The following POLR3GL variants were observed in gnomAD, a reference collection of about 807,000 sequenced individuals.
POLR3GL encodes RNA polymerase III subunit GL, also known as DNA-directed RNA polymerase III subunit RPC7-like.
Under a neutral mutation model 32.4 loss-of-function variants are expected in POLR3GL, and 26 were observed. The ratio of observed to expected loss-of-function variants is 0.80; its 90% CI spans 0.59 to 1.11. The LOEUF (loss-of-function observed/expected upper bound fraction) is 1.11. Among genes scored for constraint, POLR3GL ranks in the 50% most tolerant of loss-of-function variants. The pLI, the probability that POLR3GL is intolerant of heterozygous loss-of-function variation, is 0.00. For missense variants in POLR3GL, 229 were observed against 280.1 expected, an observed-to-expected ratio of 0.82 and a Z score of 1.30; for synonymous variants, 95 against 98.7, an observed-to-expected ratio of 0.96 and a Z score of 0.22.
At position 145,977,475 on chromosome 1, in the gene POLR3GL, A is replaced by T. The variant is rs782331624; in HGVS notation, c.326-8A>T. On this transcript the variant is annotated splice_region_variant and splice_polypyrimidine_tract_variant and intron_variant, in intron 4 of 7. Transcript: ENST00000369314. ...TCCTATTGACATTTACGTTCCCACTATTCCCAGATTGGCGGCGTCTACCCC... is the reference window on the plus strand; with the variant it reads ...TCCTATTGACATTTACGTTCCCACTTTTCCCAGATTGGCGGCGTCTACCCC... 6.2e-7 allele frequency: 1 copy of T among 1,613,742 alleles called. No individual in the cohort carries two copies. Among genetic ancestry groups the T allele is most frequent in the South Asian group, 1.1e-5 (1 of 91,058 alleles).
At position 145,977,978 on chromosome 1, in the gene POLR3GL, A is replaced by G. The variant is rs1553763775; in HGVS notation, c.457-5A>G. 2.5e-6 allele frequency: 4 copies of G among 1,613,860 alleles called. No homozygotes were observed. In the Admixed American group the frequency reaches 5.0e-5, roughly 20 times the overall value. Reference sequence around the variant, plus strand: ...AGTTTCTATTCCTATTCATCCCCACATGAGACCCTGGAGAAGAAGGAAGAA... The same window carrying G: ...AGTTTCTATTCCTATTCATCCCCACGTGAGACCCTGGAGAAGAAGGAAGAA... On this transcript the variant is annotated splice_polypyrimidine_tract_variant and splice_region_variant and intron_variant, in intron 6 of 7. Transcript: ENST00000369314.
chr1:145,978,229 C>A lies in POLR3GL; in HGVS notation c.571-132C>A. ...AGGGGCTTCTCTCTACTTCATCTGCCCCCCTTCTACAAACTACAGCTGGAA... is the reference window on the plus strand; with the variant it reads ...AGGGGCTTCTCTCTACTTCATCTGCACCCCTTCTACAAACTACAGCTGGAA... On this transcript the variant is annotated intron_variant, in intron 7 of 7. Coordinates refer to ENST00000369314, the MANE Select transcript of POLR3GL (RefSeq NM_032305.3). The A allele has an allele frequency of 3.0e-6, 4 of 1,343,330 alleles. No homozygotes were observed. The East Asian group carries it at 7.1e-5, about 24-fold the overall frequency. The allele number at this position is 1,343,330 out of a possible 1,614,324, so 83.2% of individuals were successfully genotyped here.
At chr1:145,968,573 C>CTTT (rs1320272952) in intron 1 of POLR3GL, among the ~76,000 whole-genome samples, 1 of 137,736 alleles carries the variant, frequency 7.3e-6, no homozygotes. Flanking sequence ...GTGACAAATT[C>CTTT]TTTTTTTTTT....
At chr1:145,965,977 G>A (rs782641733) in intron 1 of POLR3GL, among the ~76,000 whole-genome samples, 3 of 151,910 alleles carry the variant, frequency 2.0e-5, no homozygotes, top group African/African-American at 2.4e-5. Flanking sequence ...TTAGCTGGGC[G>A]TGTTGGCGCA....
intron 1 of POLR3GL, among the ~76,000 whole-genome samples, chr1:145,966,987 G>C (rs1650066396): frequency 6.6e-6 from 1 of 152,000 alleles, no homozygotes; most frequent in African/African-American, 2.4e-5. Context: ...GGGATTGCTG[G>C]ATTAGGGATA....
At chr1:145,965,735 A>G (rs1553761944) in intron 1 of POLR3GL, among the ~76,000 whole-genome samples, 1 of 152,204 alleles carries the variant, frequency 6.6e-6, no homozygotes, top group African/African-American at 2.4e-5. Context: ...CAATTTTTTG[A>G]TACCTGTTCT....
intron 1 of POLR3GL, among the ~76,000 whole-genome samples, chr1:145,965,943 C>T (rs1387244378): frequency 2.0e-5 from 3 of 151,422 alleles, no homozygotes; most frequent in African/African-American, 7.3e-5. Flanking sequence ...TGGAGAAACT[C>T]TGTCTCTACT....
intron 1 of POLR3GL, 91 bp from the exon 2 acceptor site, chr1:145,974,734 C>T (rs1650469453): frequency 4.6e-6 from 4 of 878,254 alleles, no homozygotes; most frequent in Admixed American, 4.2e-5. Flanking sequence ...CTTTTCATGT[C>T]CCAGAGATAA....
Position 145,977,122 on chromosome 1 carries a change from C to G in POLR3GL, c.295C>G (p.Pro99Ala), listed in dbSNP as rs1553763528. 1.2e-6 allele frequency: 2 copies of G among 1,613,728 alleles called. No individual in the cohort carries two copies. Among genetic ancestry groups the G allele is most frequent in the Non-Finnish European group, 1.7e-6 (2 of 1,179,920 alleles). ...RYSDKYQMSGPIDNAIDWNPD... is the reference protein window; with the variant it reads ...RYSDKYQMSGAIDNAIDWNPD... ...TTCAGACAAATATCAGATGTCAGGT[C>G]CGATTGACAATGCCATCGATTGGAA... Residue 99 changes from proline (P) to alanine (A), a missense_variant, in exon 4 of 8, where the codon CCG (proline) becomes GCG (alanine). By Grantham distance (27) the Pro-to-Ala change is conservative. Coordinates refer to ENST00000369314, the MANE Select transcript of POLR3GL (RefSeq NM_032305.3).
chr1:145,974,097 A>G lies in POLR3GL; in HGVS notation c.-41-728A>G, dbSNP rs587634993. ...CAGTGAGCCATGATCACACCACGGC[A>G]CTCCAGCCTGGATGACAGAAAGAGA... On this transcript the variant is annotated intron_variant, in intron 1 of 7. Transcript: ENST00000369314. 7.2e-5 allele frequency among the ~76,000 whole-genome samples: 11 copies of G among 152,002 alleles called. No individual in the cohort carries two copies. In the East Asian group the frequency reaches 2.1e-3, roughly 29 times the overall value.
intron 7 of POLR3GL, 65 bp from the exon 8 acceptor site, chr1:145,978,296 G>A (rs1238038786): frequency 7.4e-7 from 1 of 1,350,862 alleles, no homozygotes; most frequent in East Asian, 2.3e-5. Context: ...AGAGGAAAGG[G>A]GTCTGGTACA....
chr1:145,967,545 A>C (rs116765035), intron 1 of POLR3GL, among the ~76,000 whole-genome samples: 51 of 152,138 alleles, frequency 3.4e-4, no homozygotes, highest in African/African-American at 1.1e-3. Context: ...GATTTTTTAA[A>C]ATTTGGATTT....
At chr1:145,969,639 G>A (rs1394140314) in intron 1 of POLR3GL, among the ~76,000 whole-genome samples, 3 of 150,856 alleles carry the variant, frequency 2.0e-5, no homozygotes, top group African/African-American at 7.3e-5. Flanking sequence ...TACATAACCT[G>A]GCTGGGCATG....
chr1:145,965,702 T>C (rs587607669), intron 1 of POLR3GL, among the ~76,000 whole-genome samples: 4 of 152,334 alleles, frequency 2.6e-5, no homozygotes, highest in African/African-American at 9.6e-5. Flanking sequence ...AAGGGAACTC[T>C]CTTATCTCTC....
At chr1:145,976,813 T>C (rs1212095115) in intron 3 of POLR3GL, among the ~76,000 whole-genome samples, 1 of 147,850 alleles carries the variant, frequency 6.8e-6, no homozygotes, top group Non-Finnish European at 1.5e-5. Flanking sequence ...CTCAGGAGAC[T>C]GAGGCAGGAG....
intron 1 of POLR3GL, among the ~76,000 whole-genome samples, chr1:145,972,020 G>GTGTT (rs1650342221): frequency 7.3e-6 from 1 of 137,572 alleles, no homozygotes; most frequent in African/African-American, 2.8e-5. Flanking sequence ...ATACGTGTGT[G>GTGTT]TGTGTGTGTG....
chr1:145,978,221 T>A, intron 7 of POLR3GL, 125 bp downstream of exon 7: 1 of 1,378,124 alleles, frequency 7.3e-7, no homozygotes, highest in Non-Finnish European at 1.0e-6. Flanking sequence ...TCTCTCTACT[T>A]CATCTGCCCC....
Position 145,974,950 on chromosome 1 carries a change from G to T in POLR3GL, c.85G>T (p.Ala29Ser). ...GGCCGTGGGCATTGGGAAAGGGGAT[G>T]CTTTGCCCCCACCCACCCTGCAGCC... ...VEAVGIGKGD[A>S]LPPPTLQPSP... Residue 29 changes from alanine to serine, a missense_variant, in exon 2 of 8, where the codon GCT (alanine) becomes TCT (serine). Transcript: ENST00000369314. 2 of 1,520,684 alleles carry T rather than the reference G, an allele frequency of 1.3e-6. No individual in the cohort carries two copies. The highest frequency in any genetic ancestry group is 1.3e-5 in the South Asian group (1 of 77,316). The allele number at this position is 1,520,684 out of a possible 1,614,324, so 94.2% of individuals were successfully genotyped here. A position where few individuals can be genotyped will look rare whatever the true frequency, so the allele number is the denominator to read the frequency against.
intron 1 of POLR3GL, among the ~76,000 whole-genome samples, chr1:145,971,408 T>G (rs1447429887): frequency 1.1e-4 from 16 of 152,182 alleles, no homozygotes; most frequent in Non-Finnish European, 2.1e-4. Flanking sequence ...CAGACTTTAC[T>G]GTTTTTGATG....
Sources: allele counts gnomAD v4.1 joint callset (sites outside exome capture counted in the v4.1 genomes callset), GRCh38; gene constraint gnomAD v4.1.1; transcripts MANE v1.5; gene names NCBI Gene and HGNC (gene_info 2026-07-23, HGNC 2026-07-21).